KRT75: variants seen among roughly 807,000 people sequenced by gnomAD.
KRT75 encodes the protein keratin, type II cytoskeletal 75.
In KRT75, 35 loss-of-function variants were observed where a neutral mutation model predicts 48.8. That is an observed-to-expected ratio of 0.72 (90% CI 0.55 to 0.95). The LOEUF (loss-of-function observed/expected upper bound fraction) is 0.95. Among genes scored for constraint, KRT75 ranks in the 40% least tolerant of loss-of-function variants. The pLI, the probability that KRT75 is intolerant of heterozygous loss-of-function variation, is 0.00. For missense variants in KRT75, 776 were observed against 709.9 expected (o/e 1.09, Z -1.06); for synonymous variants, 301 against 282.3 (o/e 1.07, Z -0.66).
intron 6 of KRT75, 47 bp from the exon 7 acceptor site, chr12:52,428,523 G>A (rs1282808706): frequency 6.2e-7 from 1 of 1,612,592 alleles, no homozygotes; most frequent in Non-Finnish European, 8.5e-7. Flanking sequence ...AGCCCATGGA[G>A]GTGTGGTGCT....
At chr12:52,428,515 C>A in intron 6 of KRT75, 39 bp from the exon 7 acceptor site, 1 of 1,612,110 alleles carries the variant, frequency 6.2e-7, no homozygotes, top group African/African-American at 1.3e-5. Flanking sequence ...CTGCTGACAG[C>A]CCATGGAGGT....
chr12:52,430,503 C>T (rs1387316647), intron 5 of KRT75, 38 bp downstream of exon 5: 6 of 1,606,060 alleles, frequency 3.7e-6, no homozygotes, highest in Non-Finnish European at 5.1e-6. Flanking sequence ...TCAGAGAACA[C>T]TAACCCTGGA....
chr12:52,426,776 C>A, intron 8 of KRT75, 41 bp downstream of exon 8: 1 of 1,605,944 alleles, frequency 6.2e-7, no homozygotes, highest in Non-Finnish European at 8.5e-7. Context: ...TCCCCTCTAC[C>A]ACACACACTC....
rs539968952 is a variant in KRT75, at chr12:52,424,445, A to C, written c.*72T>G. The C allele has an allele frequency of 1.0e-4, 139 of 1,330,898 alleles. No homozygotes were observed. The East Asian group carries it at 3.1e-3, about 29-fold the overall frequency. The allele number at this position is 1,330,898 out of a possible 1,614,324, so 82.4% of individuals were successfully genotyped here. On this transcript the variant is annotated 3_prime_UTR_variant, in exon 9 of 9. Transcript: ENST00000252245. Reference sequence around the variant, plus strand: ...TGCACCTTACAAGGAGAGAGGAAGGAGGAGGACCCTGGTGTCCAGGTGTGA... The same window carrying C: ...TGCACCTTACAAGGAGAGAGGAAGGCGGAGGACCCTGGTGTCCAGGTGTGA...
At chr12:52,425,663 G>C (rs561573198) in intron 8 of KRT75, among the ~76,000 whole-genome samples, 79 of 152,338 alleles carry the variant, frequency 5.2e-4, no homozygotes, top group African/African-American at 1.8e-3. Context: ...AGGCTGGAGG[G>C]GGGCTGGGCT....
At chr12:52,426,265 A>G (rs148280539) in intron 8 of KRT75, among the ~76,000 whole-genome samples, 1 of 152,342 alleles carries the variant, frequency 6.6e-6, no homozygotes, top group Non-Finnish European at 1.5e-5. Flanking sequence ...GCCAACTGCC[A>G]TATTTTATGC....
At chr12:52,431,774 G>A (rs1388629573) in intron 3 of KRT75, 136 bp from the exon 4 acceptor site, 2 of 809,262 alleles carry the variant, frequency 2.5e-6, no homozygotes, top group African/African-American at 1.7e-5. Flanking sequence ...TTGGGGTTGG[G>A]GATGGGTAAT....
At chr12:52,428,137 TGAACTGCA>T in intron 7 of KRT75, 111 bp downstream of exon 7, 1 of 1,323,844 alleles carries the variant, frequency 7.6e-7, no homozygotes, top group Non-Finnish European at 1.1e-6. Context: ...AGCCCAATTC[TGAACTGCA>T]TTTTCTTCCA....
chr12:52,431,507 G>T (rs1813687245), intron 4 of KRT75, 36 bp downstream of exon 4: 2 of 1,417,128 alleles, frequency 1.4e-6, no homozygotes, highest in African/African-American at 2.8e-5. Context: ...CCAGGCTCCA[G>T]ACCTAGGAGA....
At chr12:52,426,148 T>C (rs1179274539) in intron 8 of KRT75, among the ~76,000 whole-genome samples, 3 of 152,220 alleles carry the variant, frequency 2.0e-5, no homozygotes, top group Admixed American at 2.0e-4. Context: ...GTCATTTCTG[T>C]TGCCCTTGTG....
In KRT75 at chr12:52,424,718, G is replaced by A. The variant is rs749230989; in HGVS notation, c.1455C>T (p.Ser485=). Residue 485 remains serine (S), a synonymous_variant, in exon 9 of 9, where the codon AGC becomes AGT. Coordinates refer to ENST00000252245, the MANE Select transcript of KRT75 (RefSeq NM_004693.3). The part of the protein sequence containing the change: ...VTSTLSSGYG[S]GSSIGGGNLG... ...GGTTTCCACCTCCAATGCTGCTGCC[G>A]CTTCCATAGCCACTGGAAAGAGTAG... 1.6e-5 allele frequency: 26 copies of A among 1,613,862 alleles called. No homozygotes were observed. The South Asian group carries it at 1.6e-4, about 10-fold the overall frequency.
Position 52,433,837 on chromosome 12 carries a change from G to T in KRT75, c.468C>A (p.Leu156=). The stretch of plus-strand genomic sequence containing the variant: ...CGATGAAGGAGGCGAACTTATTGTT[G>T]AGGGTCTTGATCTGCTCGCGCTCCT... ...RAEEREQIKT[L]NNKFASFIDK... The change falls in exon 1 of 9, where the codon CTC becomes CTA. Residue 156 remains leucine (L), a synonymous_variant. Coordinates refer to ENST00000252245, the MANE Select transcript of KRT75 (RefSeq NM_004693.3). 1 of 1,614,176 alleles carries T rather than the reference G, an allele frequency of 6.2e-7. No homozygotes were observed. Among genetic ancestry groups the T allele is most frequent in the South Asian group, 1.1e-5 (1 of 91,084 alleles).
chr12:52,427,101 T>A (rs1331213702), intron 7 of KRT75, among the ~76,000 whole-genome samples: 1 of 152,160 alleles, frequency 6.6e-6, no homozygotes, highest in Non-Finnish European at 1.5e-5. Context: ...AAATACAATT[T>A]TTGGTTTAAA....
chr12:52,428,861 C>G lies in KRT75; in HGVS notation c.1036-118G>C, dbSNP rs1354427586. ...GCTCATTCATTCCTGGTCATTCACTCATTCCCCCTGAAGCTTACAGTTTAT... is the reference window on the plus strand; with the variant it reads ...GCTCATTCATTCCTGGTCATTCACTGATTCCCCCTGAAGCTTACAGTTTAT... On this transcript the variant is annotated intron_variant, in intron 5 of 8. Coordinates refer to ENST00000252245, the MANE Select transcript of KRT75 (RefSeq NM_004693.3). The G allele has an allele frequency of 4.1e-6, 5 of 1,227,178 alleles. No individual in the cohort carries two copies. The East Asian group carries it at 1.2e-4, about 28-fold the overall frequency. The allele number at this position is 1,227,178 out of a possible 1,614,324, so 76.0% of individuals were successfully genotyped here. A position where few individuals can be genotyped will look rare whatever the true frequency, so the allele number is the denominator to read the frequency against.
At position 52,433,177 on chromosome 12, in the gene KRT75, C is replaced by T. The variant is rs1280274413; in HGVS notation, c.574G>A (p.Val192Met). The change falls in exon 2 of 9, where the codon GTG becomes ATG. Residue 192 changes from valine (V) to methionine (M), a missense_variant. Coordinates refer to ENST00000252245, the MANE Select transcript of KRT75 (RefSeq NM_004693.3). Reference sequence around the variant, plus strand: ...AAGAGGGGCTCTAGGTTCTGCCTCACAGTCCTGGAGCCCTGCTCCTGCAGG... The same window carrying T: ...AAGAGGGGCTCTAGGTTCTGCCTCATAGTCCTGGAGCCCTGCTCCTGCAGG... Reference protein sequence around the residue: ...ALLQEQGSRTVRQNLEPLFDS... With the variant: ...ALLQEQGSRTMRQNLEPLFDS... 3 of 1,614,132 alleles carry T rather than the reference C, an allele frequency of 1.9e-6. No individual in the cohort carries two copies. The highest frequency in any genetic ancestry group is 1.1e-5 in the South Asian group (1 of 91,062).
chr12:52,424,837 C>G, intron 8 of KRT75, 82 bp from the exon 9 acceptor site: 1 of 1,147,458 alleles, frequency 8.7e-7, no homozygotes, highest in South Asian at 1.2e-5. Context: ...GCCCTGGAGT[C>G]CTTGGGTGGG....
Position 52,424,319 on chromosome 12 carries a change from C to T in KRT75, c.*198G>A, listed in dbSNP as rs570449519. 7.7e-5 allele frequency: 54 copies of T among 699,528 alleles called. No individual in the cohort carries two copies. In the South Asian group the frequency reaches 8.1e-4, roughly 10 times the overall value. The allele number at this position is 699,528 out of a possible 1,614,324, so 43.3% of individuals were successfully genotyped here. ...GCAGGCTTTGGTTTCACATGTGTAA[C>T]AGACGGGTGCTGCTGGCAGTCTGGG... On this transcript the variant is annotated 3_prime_UTR_variant, in exon 9 of 9. Transcript: ENST00000252245.
In KRT75 at chr12:52,428,673, T is replaced by G. The variant is rs776404355; in HGVS notation, c.1106A>C (p.Glu369Ala). The G allele has an allele frequency of 6.2e-7, 1 of 1,614,218 alleles. No homozygotes were observed. The highest frequency in any genetic ancestry group is 1.1e-5 in the South Asian group (1 of 91,082). The change falls in exon 6 of 9, where the codon GAA becomes GCA. Residue 369 changes from glutamate (E) to alanine (A), a missense_variant. Physicochemically the swap from Glu to Ala is moderately radical, Grantham distance 107. Transcript: ENST00000252245. The stretch of plus-strand genomic sequence containing the variant: ...CAGCCTCTGGATCATGCGGTTCATT[T>G]CAGAGATCTCTTGTTTGGTGTTTCG... ...DLRNTKQEIS[E>A]MNRMIQRLRA...
chr12:52,430,747 A>T, intron 4 of KRT75, 42 bp from the exon 5 acceptor site: 1 of 1,610,648 alleles, frequency 6.2e-7, no homozygotes, highest in South Asian at 1.1e-5. Context: ...CATAAGATGA[A>T]GAATCTTAAA....
Sources: gnomAD v4.1 joint callset for allele counts (sites outside exome capture counted in the v4.1 genomes callset) on GRCh38, gnomAD v4.1.1 for gene constraint, MANE v1.5 for transcripts, NCBI Gene and HGNC (gene_info 2026-07-23, HGNC 2026-07-21) for gene names.